The following ZWILCH variants were observed in gnomAD, a reference collection of about 807,000 sequenced individuals.
ZWILCH encodes protein zwilch homolog.
Under a neutral mutation model 79.9 loss-of-function variants are expected in ZWILCH, and 74 were observed. The observed-to-expected ratio is 0.93, with a 90% CI of 0.77 to 1.12. The LOEUF (loss-of-function observed/expected upper bound fraction) is 1.12, where lower values mean the gene tolerates loss of function less well. Ranked by LOEUF, ZWILCH falls within the 50% of genes most tolerant of loss-of-function variation. The pLI, the probability that ZWILCH is intolerant of heterozygous loss-of-function variation, is 0.00. For synonymous variants in ZWILCH, 241 were observed against 228.2 expected, an observed-to-expected ratio of 1.06 and a Z score of -0.51; for missense variants, 694 against 687.5, an observed-to-expected ratio of 1.01 and a Z score of -0.11.
intron 10 of ZWILCH, 134 bp downstream of exon 10, chr15:66,528,046 A>T (rs1392196214): frequency 3.8e-6 from 2 of 528,660 alleles, no homozygotes; most frequent in Non-Finnish European, 6.5e-6. Context: ...ATTTTTGTTG[A>T]TCTTTATTGT....
At chr15:66,545,415 A>T (rs567060183) in intron 17 of ZWILCH, among the ~76,000 whole-genome samples, 1 of 152,300 alleles carries the variant, frequency 6.6e-6, no homozygotes, top group African/African-American at 2.4e-5. Flanking sequence ...GGAAATTCAT[A>T]CAAGATGAAA....
chr15:66,506,301 T>C (rs1209401147), intron 1 of ZWILCH, among the ~76,000 whole-genome samples: 1 of 152,258 alleles, frequency 6.6e-6, no homozygotes, highest in African/African-American at 2.4e-5. Flanking sequence ...ACATCTTTCA[T>C]TGTGACTCCT....
At chr15:66,542,368 G>A (rs1895217895) in intron 17 of ZWILCH, among the ~76,000 whole-genome samples, 2 of 152,126 alleles carry the variant, frequency 1.3e-5, no homozygotes, top group Admixed American at 6.5e-5. Flanking sequence ...AGTGGATCAC[G>A]AGGTCAGGAG....
intron 4 of ZWILCH, among the ~76,000 whole-genome samples, chr15:66,517,430 G>GTGTGTGTGTGTGTGTATATA: frequency 1.1e-3 from 73 of 66,504 alleles, no homozygotes; most frequent in Non-Finnish European, 7.6e-4. Context: ...GTGTGTGTGT[G>GTGTGTGTGTGTGTGTATATA]TATATATATA....
At chr15:66,509,840 T>TTTCATGAATGAG (rs1555423518) in intron 2 of ZWILCH, among the ~76,000 whole-genome samples, 1 of 75,670 alleles carries the variant, frequency 1.3e-5, no homozygotes, top group African/African-American at 4.9e-5. Flanking sequence ...TATATATATA[T>TTTCATGAATGAG]ATATATATAT....
intron 17 of ZWILCH, among the ~76,000 whole-genome samples, chr15:66,541,019 T>C (rs985539778): frequency 1.3e-5 from 2 of 151,262 alleles, no homozygotes; most frequent in Non-Finnish European, 2.9e-5. Flanking sequence ...GGTTCGAGCC[T>C]GTAATCCCAG....
At chr15:66,511,218 G>T (rs968495613) in intron 2 of ZWILCH, among the ~76,000 whole-genome samples, 2 of 152,160 alleles carry the variant, frequency 1.3e-5, no homozygotes. Context: ...GAGTGTGGTG[G>T]CTCACACCTG....
At chr15:66,506,048 T>A (rs1229992189) in intron 1 of ZWILCH, among the ~76,000 whole-genome samples, 15 of 152,186 alleles carry the variant, frequency 9.9e-5, no homozygotes, top group African/African-American at 1.4e-4. Flanking sequence ...GGTTTCTGAT[T>A]TAGTAGGTCT....
intron 8 of ZWILCH, among the ~76,000 whole-genome samples, chr15:66,526,325 T>C (rs569186982): frequency 2.6e-5 from 4 of 152,128 alleles, no homozygotes; most frequent in Non-Finnish European, 4.4e-5. Context: ...TCATAGTCGC[T>C]TTTTCTACCC....
At position 66,521,085 on chromosome 15, in the gene ZWILCH, T is replaced by G; in HGVS notation, c.627T>G (p.Phe209Leu). 6.2e-7 allele frequency: 1 copy of G among 1,614,192 alleles called. No homozygotes were observed. The highest frequency in any genetic ancestry group is 8.5e-7 in the Non-Finnish European group (1 of 1,180,032). The change falls in exon 7 of 19, where the codon TTT becomes TTG. Residue 209 changes from phenylalanine to leucine, a missense_variant. Transcript: ENST00000307897. ...AAGGCTTTGCCCAGTATGAGCTCTT[T>G]AAGTCCTCTGCCTTGGATGATACAA... The part of the protein sequence containing the change: ...TSKGFAQYEL[F>L]KSSALDDTIT...
intron 4 of ZWILCH, 26 bp downstream of exon 4, chr15:66,515,670 G>T: frequency 6.8e-7 from 1 of 1,460,250 alleles, no homozygotes; most frequent in Non-Finnish European, 9.6e-7. Context: ...TGCTGAGTAG[G>T]GGTGGCAACT....
chr15:66,544,759 T>TGTGTGTGTGTGTGTGTGTGTGTGTGTGTG (rs1364942806), intron 17 of ZWILCH, among the ~76,000 whole-genome samples: 1 of 150,608 alleles, frequency 6.6e-6, no homozygotes, highest in Non-Finnish European at 1.5e-5. Context: ...TGTGTGTGTG[T>TGTGTGTGTGTGTGTGTGTGTGTGTGTGTG]TTGAGATGGA....
chr15:66,517,186 A>T (rs1304422462), intron 4 of ZWILCH, among the ~76,000 whole-genome samples: 1 of 151,814 alleles, frequency 6.6e-6, no homozygotes, highest in East Asian at 1.9e-4. Flanking sequence ...GTATATCCTT[A>T]ATCCAGATTC....
At chr15:66,533,354 T>C (rs972060555) in intron 14 of ZWILCH, among the ~76,000 whole-genome samples, 1 of 152,206 alleles carries the variant, frequency 6.6e-6, no homozygotes, top group Non-Finnish European at 1.5e-5. Context: ...TCTTTATTCA[T>C]TTATATTACA....
chr15:66,518,942 G>C lies in ZWILCH; in HGVS notation c.384G>C (p.Leu128=). 1 of 1,614,200 alleles carries C rather than the reference G, an allele frequency of 6.2e-7. No homozygotes were observed. The highest frequency in any genetic ancestry group is 8.5e-7 in the Non-Finnish European group (1 of 1,180,028). ...ATATGACCCATTTGAAGATTAATCT[G>C]CCAGTTACTGCCCTTCCTCCCCTTT... The part of the protein sequence containing the change: ...NPNMTHLKIN[L]PVTALPPLWV... The change falls in exon 5 of 19, where the codon CTG becomes CTC. Residue 128 remains leucine (L), a synonymous_variant. Coordinates refer to ENST00000307897, the MANE Select transcript of ZWILCH (RefSeq NM_017975.5).
intron 6 of ZWILCH, 78 bp from the exon 7 acceptor site, chr15:66,520,972 G>A (rs982175743): frequency 6.7e-7 from 1 of 1,499,140 alleles, no homozygotes; most frequent in African/African-American, 1.4e-5. Flanking sequence ...TTGGGACAAG[G>A]ATCAAAATAA....
At chr15:66,544,724 T>TTTTTTTTTGTGTGTG (rs145952622) in intron 17 of ZWILCH, among the ~76,000 whole-genome samples, 1 of 128,488 alleles carries the variant, frequency 7.8e-6, no homozygotes, top group Non-Finnish European at 1.6e-5. Context: ...TTTTTGGTTT[T>TTTTTTTTTGTGTGTG]TGTGTGTGTG....
Position 66,540,151 on chromosome 15 carries a change from A to T in ZWILCH, c.1628A>T (p.Lys543Met). ...VEIYSGQKKI[K>M]TVWQLSDSSP... ...ATATATAGTGGTCAAAAGAAGATTAAGACAGTTTGGCAACTGAGTGACAGC... is the reference window on the plus strand; with the variant it reads ...ATATATAGTGGTCAAAAGAAGATTATGACAGTTTGGCAACTGAGTGACAGC... Residue 543 changes from lysine to methionine, a missense_variant, in exon 17 of 19, where the codon AAG (lysine) becomes ATG (methionine). Physicochemically the swap from Lys to Met is moderately conservative, Grantham distance 95 (BLOSUM62 -1). Coordinates refer to ENST00000307897, the MANE Select transcript of ZWILCH (RefSeq NM_017975.5). 1 of 1,613,802 alleles carries T rather than the reference A, an allele frequency of 6.2e-7. No individual in the cohort carries two copies. The highest frequency in any genetic ancestry group is 8.5e-7 in the Non-Finnish European group (1 of 1,179,820).
chr15:66,510,471 A>G (rs76327355), intron 2 of ZWILCH, among the ~76,000 whole-genome samples: 2,086 of 152,256 alleles, frequency 0.014, 48 homozygotes, highest in African/African-American at 0.048. Context: ...CAAGAAAGAA[A>G]CATGCAAATA....
Sources: gnomAD v4.1 joint callset for allele counts (sites outside exome capture counted in the v4.1 genomes callset) on GRCh38, gnomAD v4.1.1 for gene constraint, MANE v1.5 for transcripts, NCBI Gene and HGNC (gene_info 2026-07-23, HGNC 2026-07-21) for gene names.